PLA2R1: variants seen among roughly 807,000 people sequenced by gnomAD.
The protein encoded by PLA2R1 is phospholipase A2 receptor 1.
Under a neutral mutation model 195.9 loss-of-function variants are expected in PLA2R1, and 158 were observed. The ratio of observed to expected loss-of-function variants is 0.81; its 90% confidence interval spans 0.71 to 0.92. PLA2R1 has a LOEUF of 0.92. Ranked by LOEUF, PLA2R1 falls within the 40% of genes least tolerant of loss-of-function variation. The pLI is 0.00. For missense variants in PLA2R1, 1,626 were observed against 1,764.6 expected (o/e 0.92, Z 1.41); for synonymous variants, 586 against 598.2 (o/e 0.98, Z 0.30).
intron 17 of PLA2R1, among the ~76,000 whole-genome samples, chr2:159,973,994 C>T (rs890856014): frequency 7.9e-5 from 12 of 151,974 alleles, no homozygotes; most frequent in African/African-American, 2.7e-4. Flanking sequence ...GCATTATCTA[C>T]GCCATCCCCA....
At chr2:160,007,268 G>C (rs1692052536) in intron 10 of PLA2R1, among the ~76,000 whole-genome samples, 1 of 152,202 alleles carries the variant, frequency 6.6e-6, no homozygotes, top group Admixed American at 6.5e-5. Context: ...TCTCCTCTGA[G>C]GCAGAGTAGT....
intron 1 of PLA2R1, among the ~76,000 whole-genome samples, chr2:160,055,570 T>C (rs1174485544): frequency 1.3e-5 from 2 of 152,218 alleles, no homozygotes; most frequent in Non-Finnish European, 2.9e-5. Flanking sequence ...CCAAATCGCA[T>C]GCTTCTGTCA....
chr2:160,054,261 C>A (rs576486578), intron 1 of PLA2R1, among the ~76,000 whole-genome samples: 1 of 152,118 alleles, frequency 6.6e-6, no homozygotes, highest in Non-Finnish European at 1.5e-5. Flanking sequence ...CATAGCAAGA[C>A]CCCTTCTTTA....
intron 17 of PLA2R1, among the ~76,000 whole-genome samples, 176 bp from the exon 18 acceptor site, chr2:159,970,388 A>T (rs772611329): frequency 6.6e-6 from 1 of 152,202 alleles, no homozygotes; most frequent in Non-Finnish European, 1.5e-5. Flanking sequence ...ATCCTAAAAT[A>T]TTCCCCCCAT....
chr2:160,024,278 C>A (rs1693355531), intron 6 of PLA2R1, among the ~76,000 whole-genome samples: 1 of 152,166 alleles, frequency 6.6e-6, no homozygotes, highest in Non-Finnish European at 1.5e-5. Flanking sequence ...TCGTGGCCCA[C>A]CATCCCCATG....
downstream of PLA2R1, among the ~76,000 whole-genome samples, chr2:159,927,713 T>C (rs1686522424): frequency 6.6e-6 from 1 of 152,222 alleles, no homozygotes; most frequent in Non-Finnish European, 1.5e-5. Flanking sequence ...TCCCTTTCTC[T>C]GATTTTATGG....
chr2:160,042,806 T>C (rs1360865240), intron 2 of PLA2R1, among the ~76,000 whole-genome samples: 161 of 21,896 alleles, frequency 7.4e-3, no homozygotes, highest in Non-Finnish European at 0.01. Context: ...TGTGCGTGTG[T>C]GTGTGTGTGT....
chr2:159,929,870 G>GTATA (rs141890108), downstream of PLA2R1, among the ~76,000 whole-genome samples: 2,654 of 143,130 alleles, frequency 0.019, 48 homozygotes, highest in African/African-American at 0.048. Context: ...GTGTGTGTGT[G>GTATA]TGTATATATA....
At chr2:159,980,250 G>A (rs3792164) in intron 13 of PLA2R1, among the ~76,000 whole-genome samples, 10,754 of 152,100 alleles carry the variant, frequency 0.071, 687 homozygotes, top group African/African-American at 0.17. Context: ...GCTCACAGGT[G>A]ATATACAGGT....
chr2:160,040,681 T>C (rs952151077), intron 3 of PLA2R1, among the ~76,000 whole-genome samples: 2 of 152,232 alleles, frequency 1.3e-5, no homozygotes, highest in Non-Finnish European at 2.9e-5. Context: ...TCTCTCTAGA[T>C]GCCAAGTTCC....
intron 27 of PLA2R1, chr2:159,946,548 A>G: frequency 4.4e-6 from 5 of 1,143,300 alleles, no homozygotes; most frequent in South Asian, 3.1e-5. Flanking sequence ...CCAGCCAAGC[A>G]TCTTCCTGCT....
intron 19 of PLA2R1, among the ~76,000 whole-genome samples, chr2:159,968,790 C>A (rs147443210): frequency 6.6e-6 from 1 of 152,062 alleles, no homozygotes; most frequent in African/African-American, 2.4e-5. Context: ...CTAAAGCAAG[C>A]AGCAATTGAT....
intron 17 of PLA2R1, 123 bp downstream of exon 17, chr2:159,975,945 G>A (rs1360012578): frequency 3.9e-6 from 3 of 761,126 alleles, no homozygotes; most frequent in Non-Finnish European, 6.7e-6. Flanking sequence ...TGAAATCTAT[G>A]GCTTTTACTG....
In PLA2R1 at chr2:159,946,937, C is replaced by T. The variant is rs775941620; in HGVS notation, c.3851-20G>A. ...TAGAACCTATAAGAGAGACAAGTAG[C>T]AAAGGAATATTTGTGTTTACACATA... On this transcript the variant is annotated intron_variant, in intron 26 of 29. Transcript: ENST00000283243. The T allele has an allele frequency of 7.0e-7, 1 of 1,436,660 alleles. No individual in the cohort carries two copies. Among genetic ancestry groups the T allele is most frequent in the South Asian group, 1.2e-5 (1 of 82,918 alleles). The allele number at this position is 1,436,660 out of a possible 1,614,324, so 89.0% of individuals were successfully genotyped here. A position where few individuals can be genotyped will look rare whatever the true frequency, so the allele number is the denominator to read the frequency against.
intron 4 of PLA2R1, among the ~76,000 whole-genome samples, chr2:160,032,074 C>T (rs188991458): frequency 4.6e-5 from 7 of 152,324 alleles, no homozygotes; most frequent in South Asian, 2.1e-4. Context: ...GCTGCTGCCA[C>T]GTTTTTATAT....
At chr2:159,976,842 G>A in intron 15 of PLA2R1, 122 bp from the exon 16 acceptor site, 1 of 749,614 alleles carries the variant, frequency 1.3e-6, no homozygotes, top group Non-Finnish European at 2.4e-6. Context: ...TTTAAAACAG[G>A]TACATTGTGC....
intron 28 of PLA2R1, among the ~76,000 whole-genome samples, chr2:159,944,643 T>A (rs1309543540): frequency 6.6e-6 from 1 of 152,170 alleles, no homozygotes; most frequent in African/African-American, 2.4e-5. Context: ...GAAAATGATT[T>A]TTTGCCCATT....
chr2:160,045,047 T>A lies in PLA2R1; in HGVS notation c.220A>T (p.Lys74Ter), dbSNP rs773331377. The change falls in exon 2 of 30, where the codon AAA (lysine) becomes TAA (stop). Residue 74 changes from lysine (K) to a stop codon, truncating the protein, a stop_gained. Transcript: ENST00000283243. LOFTEE classifies it high-confidence loss of function. ...CKQANKHMLW[K>*]WVSNHGLFNI... ...AAGAGGCCATGGTTTGAAACCCATT[T>A]CCACAGCATGTGCTTGTTTGCTTGC... 14 of 1,614,122 alleles carry A rather than the reference T, an allele frequency of 8.7e-6. No individual in the cohort carries two copies. The South Asian group carries it at 1.3e-4, about 15-fold the overall frequency.
At chr2:160,027,301 A>G (rs1279904353) in intron 6 of PLA2R1, among the ~76,000 whole-genome samples, 1 of 152,192 alleles carries the variant, frequency 6.6e-6, no homozygotes, top group Non-Finnish European at 1.5e-5. Context: ...AAGGAAAGAA[A>G]GAAAAAATGA....
Sources: allele counts gnomAD v4.1 joint callset (sites outside exome capture counted in the v4.1 genomes callset), GRCh38; gene constraint gnomAD v4.1.1; transcripts MANE v1.5; gene names NCBI Gene and HGNC (gene_info 2026-07-23, HGNC 2026-07-21).